GREB1L: variants seen among roughly 807,000 people sequenced by gnomAD.
GREB1L encodes GREB1 like retinoic acid receptor coactivator, also known as GREB1-like protein.
GREB1L carries 17 observed loss-of-function variants against 200.8 expected under a neutral mutation model. That is an observed-to-expected ratio of 0.08 (90% CI 0.06 to 0.13). The LOEUF is 0.13. Among genes scored for constraint, GREB1L ranks in the 10% least tolerant of loss-of-function variants. GREB1L has a pLI of 1.00. For synonymous variants in GREB1L, 789 were observed against 893.0 expected (o/e 0.88, Z 2.08); for missense variants, 1,657 against 2,367.7 (o/e 0.70, Z 6.23).
rs2039168471 is a variant in GREB1L at position 21,335,356 on chromosome 18, GAAT to G, written c.-119-30667_-119-30665del. On this transcript the variant is annotated intron_variant, in intron 1 of 32. Transcript: ENST00000424526. ...TAGCATATCATACCTTTAGCATTAA[GAAT>G]AATGTTAAAACAATTTGTGAAAAAG... 1.3e-5 allele frequency among the ~76,000 whole-genome samples: 2 copies of G among 152,092 alleles called. 1 individual carries two copies. The highest frequency in any genetic ancestry group is 4.1e-4 in the South Asian group (2 of 4,830).
chr18:21,286,613 C>T (rs1355098945), intron 1 of GREB1L, among the ~76,000 whole-genome samples: 1 of 152,132 alleles, frequency 6.6e-6, no homozygotes. Flanking sequence ...GAATATGGTT[C>T]CCAGCACTTT....
intron 1 of GREB1L, among the ~76,000 whole-genome samples, chr18:21,328,172 C>T (rs1242195961): frequency 1.3e-5 from 2 of 149,860 alleles, no homozygotes; most frequent in East Asian, 3.9e-4. Flanking sequence ...TGATTCAGTG[C>T]CATTGCCCCC....
intron 1 of GREB1L, among the ~76,000 whole-genome samples, chr18:21,334,877 A>G (rs867600940): frequency 1.3e-5 from 2 of 152,196 alleles, no homozygotes; most frequent in Non-Finnish European, 1.5e-5. Context: ...ATTCATCTTG[A>G]TGACTTAGAA....
chr18:21,444,194 A>C, intron 10 of GREB1L, 30 bp from the exon 11 acceptor site: 1 of 1,493,704 alleles, frequency 6.7e-7, no homozygotes, highest in Non-Finnish European at 9.1e-7. Flanking sequence ...AGAAATGTTG[A>C]ACTGTACTGA....
intron 1 of GREB1L, among the ~76,000 whole-genome samples, chr18:21,312,529 CTTTAT>C (rs1183194556): frequency 6.7e-6 from 1 of 149,804 alleles, no homozygotes; most frequent in African/African-American, 2.5e-5. Context: ...TTTTTTTATT[CTTTAT>C]TTTATTTATT....
intron 15 of GREB1L, chr18:21,454,906 A>G (rs1324428087): frequency 5.6e-5 from 19 of 339,198 alleles, no homozygotes; most frequent in Non-Finnish European, 9.6e-5. Context: ...TGCCACCTGA[A>G]CTCCTCCCAC....
At chr18:21,248,427 C>T (rs1424474156) in intron 1 of GREB1L, among the ~76,000 whole-genome samples, 2 of 152,164 alleles carry the variant, frequency 1.3e-5, no homozygotes, top group African/African-American at 4.8e-5. Flanking sequence ...TAACTTCCAA[C>T]CCCTGAGTTA....
At position 21,523,903 on chromosome 18, in the gene GREB1L, T is replaced by A. The variant is rs2037643152; in HGVS notation, c.*1082T>A. The stretch of plus-strand genomic sequence containing the variant: ...GACTCTTGTGAGGAGTAAGGAAGAC[T>A]CCATTAAGAGTCTTTTTGATTCATT... On this transcript the variant is annotated 3_prime_UTR_variant, in exon 33 of 33. Coordinates refer to ENST00000424526, the MANE Select transcript of GREB1L (RefSeq NM_001142966.3). 6.6e-6 allele frequency: 1 copy of A among 152,202 alleles called. No individual in the cohort carries two copies. The highest frequency in any genetic ancestry group is 1.9e-4 in the East Asian group (1 of 5,200). 9.4% of individuals were successfully genotyped at this position (152,202 alleles called of 1,614,324 possible).
intron 1 of GREB1L, among the ~76,000 whole-genome samples, chr18:21,355,624 A>G (rs1190753234): frequency 1.3e-5 from 2 of 152,228 alleles, no homozygotes; most frequent in Non-Finnish European, 2.9e-5. Context: ...GAAATTGAGA[A>G]GCAGCCTATG....
intron 13 of GREB1L, 52 bp from the exon 14 acceptor site, chr18:21,452,031 A>G: frequency 6.5e-7 from 1 of 1,530,574 alleles, no homozygotes; most frequent in Non-Finnish European, 8.8e-7. Flanking sequence ...GTTAATAAAA[A>G]TGAAACAAAC....
At chr18:21,448,756 A>G (rs1250991783) in intron 11 of GREB1L, among the ~76,000 whole-genome samples, 8 of 152,256 alleles carry the variant, frequency 5.3e-5, no homozygotes, top group Admixed American at 3.3e-4. Flanking sequence ...TTTGGATACC[A>G]AACATTGACT....
intron 1 of GREB1L, among the ~76,000 whole-genome samples, chr18:21,357,765 T>A (rs1405291821): frequency 6.6e-6 from 1 of 152,198 alleles, no homozygotes; most frequent in African/African-American, 2.4e-5. Flanking sequence ...TTCTTGACAA[T>A]CAGTTGACCA....
chr18:21,497,019 T>C (rs1282088022), intron 21 of GREB1L, among the ~76,000 whole-genome samples: 4 of 152,258 alleles, frequency 2.6e-5, no homozygotes, highest in Non-Finnish European at 4.4e-5. Context: ...CATCTCATAT[T>C]TGCACAAAGG....
At chr18:21,499,313 T>G (rs1297848450) in intron 21 of GREB1L, among the ~76,000 whole-genome samples, 1 of 152,100 alleles carries the variant, frequency 6.6e-6, no homozygotes, top group Admixed American at 6.5e-5. Context: ...TTTACTAAGA[T>G]GTGAACAGAA....
In GREB1L at chr18:21,330,875, A is replaced by T. The variant is rs537275895; in HGVS notation, c.-119-35152A>T. 2.6e-5 allele frequency among the ~76,000 whole-genome samples: 4 copies of T among 152,282 alleles called. No individual in the cohort carries two copies. In the South Asian group the frequency reaches 8.3e-4, roughly 32 times the overall value. On this transcript the variant is annotated intron_variant, in intron 1 of 32. Transcript: ENST00000424526. ...GCATTAATGGAGGTAAAAAGCACTG[A>T]GTGACTGTTAGAATTTTTAAAAATC...
intron 1 of GREB1L, among the ~76,000 whole-genome samples, chr18:21,290,102 T>G (rs1448454683): frequency 6.6e-6 from 1 of 152,126 alleles, no homozygotes; most frequent in Non-Finnish European, 1.5e-5. Flanking sequence ...AAAGGTAGAG[T>G]GGGCTTTGGC....
At chr18:21,382,209 G>A (rs778257268) in intron 2 of GREB1L, among the ~76,000 whole-genome samples, 2 of 151,952 alleles carry the variant, frequency 1.3e-5, no homozygotes, top group Non-Finnish European at 2.9e-5. Context: ...GCCTGGTATG[G>A]TGCTGTGTGC....
intron 17 of GREB1L, among the ~76,000 whole-genome samples, chr18:21,478,810 C>A (rs2035808332): frequency 6.6e-6 from 1 of 152,092 alleles, no homozygotes; most frequent in African/African-American, 2.4e-5. Context: ...TGTGGGCTAC[C>A]CAAGTAGCTG....
intron 11 of GREB1L, among the ~76,000 whole-genome samples, chr18:21,449,077 A>G (rs1386730300): frequency 4.6e-5 from 7 of 152,258 alleles, no homozygotes; most frequent in Non-Finnish European, 7.3e-5. Context: ...CAAAATGCCT[A>G]TGACTAAAAT....
Sources: allele counts gnomAD v4.1 joint callset (sites outside exome capture counted in the v4.1 genomes callset), GRCh38; gene constraint gnomAD v4.1.1; transcripts MANE v1.5; gene names NCBI Gene and HGNC (gene_info 2026-07-23, HGNC 2026-07-21).